EIF4G3: variants seen among roughly 807,000 people sequenced by gnomAD.
The protein encoded by EIF4G3 is eukaryotic translation initiation factor 4 gamma 3, also known as eIF-4-gamma 3.
EIF4G3 carries 34 observed loss-of-function variants against 186.4 expected under a neutral mutation model. The observed-to-expected ratio is 0.18, with a 90% CI of 0.14 to 0.24. EIF4G3 has a LOEUF of 0.24. EIF4G3 is among the 10% of genes least tolerant of loss of function. EIF4G3 has a pLI of 1.00. For missense variants in EIF4G3, 1,536 were observed against 1,948.5 expected (o/e 0.79, Z 3.99); for synonymous variants, 673 against 679.5 (o/e 0.99, Z 0.15).
intron 12 of EIF4G3, among the ~76,000 whole-genome samples, chr1:20,960,938 C>A (rs2096555632): frequency 6.6e-6 from 1 of 152,162 alleles, no homozygotes; most frequent in East Asian, 1.9e-4. Context: ...GAAACGTGTA[C>A]AACAGATAAT....
chr1:21,145,471 T>C (rs982488160), intron 2 of EIF4G3, among the ~76,000 whole-genome samples: 1 of 151,602 alleles, frequency 6.6e-6, no homozygotes, highest in Non-Finnish European at 1.5e-5. Context: ...TCACTATGTT[T>C]CCCAGGCTGG....
intron 7 of EIF4G3, among the ~76,000 whole-genome samples, chr1:20,985,054 A>T (rs1001995387): frequency 6.6e-6 from 1 of 152,170 alleles, no homozygotes; most frequent in Admixed American, 6.6e-5. Flanking sequence ...TGTACTTTTA[A>T]CTGTTACACA....
intron 14 of EIF4G3, among the ~76,000 whole-genome samples, chr1:20,927,046 CTT>C (rs757963098): frequency 3.0e-4 from 42 of 139,152 alleles, no homozygotes; most frequent in Admixed American, 6.5e-4. Flanking sequence ...GAAAAAAATA[CTT>C]TTTTTTTTTT....
At chr1:20,902,694 G>A (rs1464491847) in intron 15 of EIF4G3, among the ~76,000 whole-genome samples, 2 of 152,168 alleles carry the variant, frequency 1.3e-5, no homozygotes, top group Non-Finnish European at 2.9e-5. Flanking sequence ...AGGCTGGAGT[G>A]CACTGGCACA....
chr1:20,912,641 G>A (rs2093385138), intron 14 of EIF4G3, among the ~76,000 whole-genome samples: 1 of 152,170 alleles, frequency 6.6e-6, no homozygotes, highest in South Asian at 2.1e-4. Context: ...AAAGTAGAAT[G>A]TTCTAATAAT....
At chr1:21,165,891 A>C (rs966826395) in intron 2 of EIF4G3, among the ~76,000 whole-genome samples, 7 of 151,888 alleles carry the variant, frequency 4.6e-5, no homozygotes, top group Non-Finnish European at 8.8e-5. Context: ...ACACAGCTGA[A>C]GTCTAACTTC....
chr1:21,128,819 T>C (rs1311103934), intron 2 of EIF4G3, among the ~76,000 whole-genome samples: 3 of 152,208 alleles, frequency 2.0e-5, no homozygotes, highest in African/African-American at 7.2e-5. Context: ...CAGATTAATC[T>C]GAAAGATTAC....
chr1:20,972,988 T>C lies in EIF4G3; in HGVS notation c.591+14A>G. Reference sequence around the variant, plus strand: ...TTAGATTTAAAATAAGAAAAAGTAATAAAAATCTCTTACAGTTTTTTTCTC... The same window carrying C: ...TTAGATTTAAAATAAGAAAAAGTAACAAAAATCTCTTACAGTTTTTTTCTC... On this transcript the variant is annotated intron_variant, in intron 11 of 36. Transcript: ENST00000602326. 1 of 1,574,624 alleles carries C rather than the reference T, an allele frequency of 6.4e-7. No homozygotes were observed. The highest frequency in any genetic ancestry group is 8.6e-7 in the Non-Finnish European group (1 of 1,163,110).
At chr1:21,110,802 G>C (rs1197756613) in intron 2 of EIF4G3, among the ~76,000 whole-genome samples, 1 of 152,070 alleles carries the variant, frequency 6.6e-6, no homozygotes, top group African/African-American at 2.4e-5. Flanking sequence ...CCTGACCTCA[G>C]GTCATCCACC....
Position 20,887,651 on chromosome 1 carries a change from T to TA in EIF4G3, c.2254-1281dup, listed in dbSNP as rs5772922. 6.8e-4 allele frequency among the ~76,000 whole-genome samples: 99 copies of TA among 144,754 alleles called. 1 individual carries two copies. In the East Asian group the frequency reaches 0.011, roughly 16 times the overall value. The allele number at this position is 144,754 out of a possible 152,430, so 95.0% of individuals were successfully genotyped here. ...ATATCACAGATTATTTGATAAACATTAAAAAAAAAAAACAAACAGGTCAGA... is the reference window on the plus strand; with the variant it reads ...ATATCACAGATTATTTGATAAACATTAAAAAAAAAAAAACAAACAGGTCAGA... On this transcript the variant is annotated intron_variant, in intron 18 of 36. Transcript: ENST00000602326.
intron 2 of EIF4G3, chr1:21,167,940 C>A: frequency 2.5e-6 from 1 of 393,612 alleles, no homozygotes; most frequent in Non-Finnish European, 5.3e-6. Flanking sequence ...GGAACAATAA[C>A]TCAAAAGATG....
At chr1:21,035,566 G>A (rs1347356379) in intron 4 of EIF4G3, among the ~76,000 whole-genome samples, 2 of 152,356 alleles carry the variant, frequency 1.3e-5, no homozygotes, top group Non-Finnish European at 2.9e-5. Flanking sequence ...AGCCCAGCCA[G>A]GTATGCATAG....
chr1:21,169,198 C>G (rs2097912752), intron 2 of EIF4G3, among the ~76,000 whole-genome samples: 1 of 152,100 alleles, frequency 6.6e-6, no homozygotes, highest in Admixed American at 6.6e-5. Flanking sequence ...CACCTGTAAT[C>G]CCAGCACCTT....
Position 20,818,682 on chromosome 1 carries a change from T to G in EIF4G3, c.4369-1144A>C, listed in dbSNP as rs114583265. 5.1e-3 allele frequency among the ~76,000 whole-genome samples: 782 copies of G among 152,272 alleles called. 7 individuals carry two copies. Among genetic ancestry groups the G allele is most frequent in the African/African-American group, 0.018 (751 of 41,542 alleles). ...TCTATAATCAAAATTATTCATAATTTTCAAAGGACTAAAGAAATGAAGTAC... is the reference window on the plus strand; with the variant it reads ...TCTATAATCAAAATTATTCATAATTGTCAAAGGACTAAAGAAATGAAGTAC... On this transcript the variant is annotated intron_variant, in intron 33 of 36. Coordinates refer to ENST00000602326, the MANE Select transcript of EIF4G3 (RefSeq NM_001391906.1).
chr1:20,817,195 C>T (rs2154545283), intron 34 of EIF4G3, among the ~76,000 whole-genome samples, 197 bp downstream of exon 34: 1 of 139,628 alleles, frequency 7.2e-6, no homozygotes, highest in Non-Finnish European at 1.5e-5. Context: ...TGTCCTGTGA[C>T]CCTGCCAAAT....
chr1:21,158,989 A>C (rs930501960), intron 2 of EIF4G3, among the ~76,000 whole-genome samples: 1 of 150,816 alleles, frequency 6.6e-6, no homozygotes, highest in African/African-American at 2.4e-5. Flanking sequence ...AAAAAAGGGC[A>C]AAAAAAGAAA....
chr1:20,852,132 C>T (rs2073509781), intron 27 of EIF4G3, among the ~76,000 whole-genome samples: 1 of 152,118 alleles, frequency 6.6e-6, no homozygotes, highest in Non-Finnish European at 1.5e-5. Flanking sequence ...CTGCAACCTC[C>T]GCCTACGGGT....
At chr1:20,998,822 T>C (rs2082862745) in intron 6 of EIF4G3, 1 of 421,600 alleles carries the variant, frequency 2.4e-6, no homozygotes, top group African/African-American at 2.1e-5. Context: ...AAGCAGTGTT[T>C]AATGTAAACC....
intron 18 of EIF4G3, among the ~76,000 whole-genome samples, chr1:20,888,295 T>G (rs2084879156): frequency 6.6e-6 from 1 of 152,190 alleles, no homozygotes; most frequent in East Asian, 1.9e-4. Flanking sequence ...AAAAGCTAAC[T>G]GATAAATTGT....
Sources: gnomAD v4.1 joint callset for allele counts (sites outside exome capture counted in the v4.1 genomes callset) on GRCh38, gnomAD v4.1.1 for gene constraint, MANE v1.5 for transcripts, NCBI Gene and HGNC (gene_info 2026-07-23, HGNC 2026-07-21) for gene names.